UGGT2: variants seen among roughly 807,000 people sequenced by gnomAD.
UGGT2 encodes the protein UDP-glucose glycoprotein glucosyltransferase 2, also known as UDP-glucose:glycoprotein glucosyltransferase 2.
UGGT2 carries 180 observed loss-of-function variants against 192.1 expected under a neutral mutation model. The observed-to-expected ratio is 0.94, with a 90% CI of 0.83 to 1.06. The LOEUF is 1.06. Among genes scored for constraint, UGGT2 ranks in the 50% least tolerant of loss-of-function variants. The pLI is 0.00. For synonymous variants in UGGT2, 580 were observed against 591.0 expected, an observed-to-expected ratio of 0.98 and a Z score of 0.27; for missense variants, 1,849 against 1,795.7, an observed-to-expected ratio of 1.03 and a Z score of -0.54.
chr13:95,826,546 A>G (rs1886063006), intron 38 of UGGT2, among the ~76,000 whole-genome samples: 1 of 152,160 alleles, frequency 6.6e-6, no homozygotes, highest in Non-Finnish European at 1.5e-5. Context: ...ATCCATGTAT[A>G]GAAAGTAGTC....
At chr13:95,928,906 T>A (rs916304674) in intron 17 of UGGT2, among the ~76,000 whole-genome samples, 2 of 152,036 alleles carry the variant, frequency 1.3e-5, no homozygotes, top group African/African-American at 4.8e-5. Flanking sequence ...CTGGGCAACA[T>A]TGAGCACTAA....
intron 36 of UGGT2, among the ~76,000 whole-genome samples, chr13:95,838,560 T>C (rs1001171387): frequency 1.3e-5 from 2 of 152,092 alleles, no homozygotes; most frequent in African/African-American, 4.8e-5. Flanking sequence ...AAAGTTACAG[T>C]AATCAAAACA....
rs368659143 is a variant in UGGT2 at position 95,917,785 on chromosome 13, C to G, written c.2295+7895G>C. On this transcript the variant is annotated intron_variant, in intron 20 of 38. Coordinates refer to ENST00000376747, the MANE Select transcript of UGGT2 (RefSeq NM_020121.4). ...ATCCTAGTTTCTGACTTTAAACCAA[C>G]AAAGGTCAAAAAAGAATGTTACATA... Among the ~76,000 whole-genome samples the G allele has an allele frequency of 5.3e-5, 8 of 151,866 alleles. No homozygotes were observed. In the East Asian group the frequency reaches 1.4e-3, roughly 26 times the overall value.
chr13:96,051,207 T>C (rs2053475819), intron 1 of UGGT2, among the ~76,000 whole-genome samples: 1 of 152,100 alleles, frequency 6.6e-6, no homozygotes, highest in African/African-American at 2.4e-5. Flanking sequence ...CTGGAAACCA[T>C]CATTCTCAGC....
chr13:95,812,195 A>G (rs1884618837), intron 38 of UGGT2, among the ~76,000 whole-genome samples: 1 of 152,206 alleles, frequency 6.6e-6, no homozygotes, highest in African/African-American at 2.4e-5. Flanking sequence ...TGTTCCAATG[A>G]AATTTTAGAA....
chr13:95,973,116 GC>G (rs1594478592), intron 10 of UGGT2, among the ~76,000 whole-genome samples: 1 of 152,124 alleles, frequency 6.6e-6, no homozygotes, highest in Non-Finnish European at 1.5e-5. Context: ...GTTGCAGTGA[GC>G]CAAGATTGCA....
chr13:95,903,048 G>C lies in UGGT2; in HGVS notation c.2308C>G (p.His770Asp). ...TTATAAATAATCCCCAACCGACTAT[G>C]AACACTTGTTTTCTGCAAACATATT... ...NALKHMKTSVHSRLGIIYNPT... is the reference protein window; with the variant it reads ...NALKHMKTSVDSRLGIIYNPT... Residue 770 changes from histidine to aspartate, a missense_variant, in exon 21 of 39, where the codon CAT (histidine) becomes GAT (aspartate). His to Asp is a moderately conservative substitution (Grantham distance 81). Coordinates refer to ENST00000376747, the MANE Select transcript of UGGT2 (RefSeq NM_020121.4). 6.2e-7 allele frequency: 1 copy of C among 1,610,208 alleles called. No homozygotes were observed. The highest frequency in any genetic ancestry group is 8.5e-7 in the Non-Finnish European group (1 of 1,179,002).
chr13:95,897,808 C>T (rs2047989878), intron 22 of UGGT2, among the ~76,000 whole-genome samples: 1 of 152,172 alleles, frequency 6.6e-6, no homozygotes, highest in Non-Finnish European at 1.5e-5. Flanking sequence ...CATTAGTCAA[C>T]AGAAAAAATC....
In UGGT2 at chr13:95,854,488, A is replaced by AAG; in HGVS notation, c.4009-14_4009-13insCT. On this transcript the variant is annotated splice_polypyrimidine_tract_variant and intron_variant, in intron 34 of 38. Coordinates refer to ENST00000376747, the MANE Select transcript of UGGT2 (RefSeq NM_020121.4). ...CATGTCTCACAATCTAAATAATTAA[A>AAG]ATAGACTGTCTGATAAAGACTGTAA... 6.3e-7 allele frequency: 1 copy of AAG among 1,591,646 alleles called. No individual in the cohort carries two copies. Among genetic ancestry groups the AAG allele is most frequent in the Non-Finnish European group, 8.5e-7 (1 of 1,170,492 alleles).
chr13:95,966,498 G>A (rs2050583691), intron 12 of UGGT2, among the ~76,000 whole-genome samples: 1 of 151,948 alleles, frequency 6.6e-6, no homozygotes, highest in South Asian at 2.1e-4. Context: ...AGCAAAGTAG[G>A]GTGACTATAG....
intron 2 of UGGT2, among the ~76,000 whole-genome samples, chr13:96,026,058 T>C (rs2052654277): frequency 6.6e-6 from 1 of 151,918 alleles, no homozygotes; most frequent in African/African-American, 2.4e-5. Context: ...ACAGAATAAT[T>C]AAAGAAAACT....
chr13:95,928,064 T>C (rs1457353046), intron 17 of UGGT2, among the ~76,000 whole-genome samples: 1 of 152,258 alleles, frequency 6.6e-6, no homozygotes, highest in Non-Finnish European at 1.5e-5. Context: ...TGCCCACTTC[T>C]TTCTACACAG....
intron 1 of UGGT2, among the ~76,000 whole-genome samples, chr13:96,039,211 C>A (rs2053093822): frequency 6.7e-6 from 1 of 148,980 alleles, no homozygotes; most frequent in African/African-American, 2.5e-5. Context: ...GAAAGGGCAG[C>A]ACAATGTTTA....
chr13:95,942,228 GTGTGT>G (rs1566734909), intron 15 of UGGT2, among the ~76,000 whole-genome samples: 5 of 36,320 alleles, frequency 1.4e-4, no homozygotes, highest in Non-Finnish European at 3.1e-4. Flanking sequence ...GAGGGTGTGT[GTGTGT>G]GTGTGTGTGT....
intron 38 of UGGT2, among the ~76,000 whole-genome samples, chr13:95,831,225 A>G (rs964472903): frequency 2.6e-5 from 4 of 152,192 alleles, no homozygotes; most frequent in African/African-American, 4.8e-5. Context: ...ATGTATACAT[A>G]TGTAACAAAC....
chr13:95,945,334 C>T (rs1403889638), intron 15 of UGGT2, among the ~76,000 whole-genome samples: 1 of 151,948 alleles, frequency 6.6e-6, no homozygotes, highest in Non-Finnish European at 1.5e-5. Context: ...CATGTATTTT[C>T]CTAAAAACTA....
At chr13:96,006,806 A>G (rs2051996169) in intron 5 of UGGT2, among the ~76,000 whole-genome samples, 1 of 152,136 alleles carries the variant, frequency 6.6e-6, no homozygotes, top group African/African-American at 2.4e-5. Flanking sequence ...CACATGGGAA[A>G]CATCATGAGT....
At chr13:96,049,706 T>C (rs999885636) in intron 1 of UGGT2, among the ~76,000 whole-genome samples, 2 of 152,076 alleles carry the variant, frequency 1.3e-5, no homozygotes, top group Non-Finnish European at 2.9e-5. Context: ...GAGGGCCAAA[T>C]CATGAGTGAA....
chr13:95,894,695 A>G (rs2047897329), intron 23 of UGGT2, 38 bp from the exon 24 acceptor site: 1 of 1,513,736 alleles, frequency 6.6e-7, no homozygotes, highest in South Asian at 1.2e-5. Flanking sequence ...AGTTTTTTGG[A>G]AAGAGTTCCA....
Sources: allele counts gnomAD v4.1 joint callset (sites outside exome capture counted in the v4.1 genomes callset), GRCh38; gene constraint gnomAD v4.1.1; transcripts MANE v1.5; gene names NCBI Gene and HGNC (gene_info 2026-07-23, HGNC 2026-07-21).